LONP1: variants seen among roughly 807,000 people sequenced by gnomAD.
LONP1 encodes lon peptidase 1, mitochondrial.
A neutral mutation model predicts 98.5 loss-of-function variants in LONP1; 31 were observed. That is an observed-to-expected ratio of 0.31 (90% CI 0.24 to 0.42). The LOEUF (loss-of-function observed/expected upper bound fraction) is 0.42. Among genes scored for constraint, LONP1 ranks in the 20% least tolerant of loss-of-function variants. The probability of loss-of-function intolerance (pLI) is 1.00; values close to 1 mark genes in which losing one functional copy is unlikely to be tolerated. For missense variants in LONP1, 1,336 were observed against 1,350.6 expected (o/e 0.99, Z 0.17); for synonymous variants, 781 against 594.7 (o/e 1.31, Z -4.56).
At chr19:5,719,289 C>G (rs546575379) in intron 1 of LONP1, among the ~76,000 whole-genome samples, 1 of 152,302 alleles carries the variant, frequency 6.6e-6, no homozygotes, top group African/African-American at 2.4e-5. Context: ...AAGTATTTGT[C>G]TAAGAAAGGA....
At chr19:5,695,464 C>T (rs2054909062) in intron 13 of LONP1, among the ~76,000 whole-genome samples, 1 of 152,162 alleles carries the variant, frequency 6.6e-6, no homozygotes, top group Non-Finnish European at 1.5e-5. Flanking sequence ...AACTACAGGC[C>T]CGTCCCTTGG....
chr19:5,716,871 G>C (rs1465646696), intron 1 of LONP1, among the ~76,000 whole-genome samples: 2 of 152,310 alleles, frequency 1.3e-5, no homozygotes, highest in Non-Finnish European at 2.9e-5. Flanking sequence ...TCAGCTCACT[G>C]CAAGCTCCGC....
chr19:5,692,295 G>A, intron 17 of LONP1, 87 bp from the exon 18 acceptor site: 1 of 1,340,038 alleles, frequency 7.5e-7, no homozygotes, highest in East Asian at 2.3e-5. Context: ...GGCTTCCTGG[G>A]GACCGGCGAT....
At chr19:5,698,835 G>A (rs1320272138) in intron 10 of LONP1, among the ~76,000 whole-genome samples, 192 bp downstream of exon 10, 1 of 152,248 alleles carries the variant, frequency 6.6e-6, no homozygotes, top group Admixed American at 6.5e-5. Context: ...TGCCAGCGCT[G>A]TTTGAGCACC....
chr19:5,696,566 A>C (rs565954040), intron 11 of LONP1, 104 bp downstream of exon 11: 43 of 1,319,444 alleles, frequency 3.3e-5, no homozygotes, highest in Non-Finnish European at 4.3e-5. Flanking sequence ...CATCACGGCG[A>C]TGGCCCCTGA....
intron 1 of LONP1, among the ~76,000 whole-genome samples, chr19:5,719,325 G>A (rs2055384265): frequency 1.3e-5 from 2 of 152,186 alleles, no homozygotes; most frequent in Admixed American, 1.3e-4. Flanking sequence ...AGTGAGGCTC[G>A]TAACCAGACG....
chr19:5,694,454 G>T lies in LONP1; in HGVS notation c.2253C>A (p.Phe751Leu). The T allele has an allele frequency of 6.2e-7, 1 of 1,613,432 alleles. No individual in the cohort carries two copies. The highest frequency in any genetic ancestry group is 8.5e-7 in the Non-Finnish European group (1 of 1,179,994). ...TCACGTCATACATGCGCTCCACGGT[G>T]AACACGGGCTTCCCCACGAAGTCCT... ...NLQDFVGKPV[F>L]TVERMYDVTP... Residue 751 changes from phenylalanine (F) to leucine (L), a missense_variant, in exon 15 of 18, where the codon TTC (phenylalanine) becomes TTA (leucine). Physicochemically the swap from Phe to Leu is conservative, Grantham distance 22. Around this residue, in one of 5 missense-constraint regions of LONP1, gnomAD observed 555 missense variants for 542.6 expected, o/e 1.02. Transcript: ENST00000360614.
At chr19:5,695,045 C>T in intron 13 of LONP1, 144 bp from the exon 14 acceptor site, 1 of 941,096 alleles carries the variant, frequency 1.1e-6, no homozygotes, top group South Asian at 1.9e-5. Flanking sequence ...GGCCTGGACA[C>T]CCCGCCCTGC....
intron 4 of LONP1, among the ~76,000 whole-genome samples, chr19:5,710,168 C>G (rs1438532751): frequency 6.6e-6 from 1 of 150,990 alleles, no homozygotes; most frequent in Non-Finnish European, 1.5e-5. Context: ...ACCGCAACCT[C>G]TGCCTCCCAG....
intron 15 of LONP1, 131 bp from the exon 16 acceptor site, chr19:5,693,900 G>T: frequency 1.3e-6 from 1 of 762,952 alleles, no homozygotes; most frequent in Non-Finnish European, 2.1e-6. Context: ...AGGGGTTGGT[G>T]TCCCATCGTG....
At chr19:5,697,811 C>T (rs1208499382) in intron 10 of LONP1, among the ~76,000 whole-genome samples, 1 of 152,024 alleles carries the variant, frequency 6.6e-6, no homozygotes, top group Non-Finnish European at 1.5e-5. Flanking sequence ...TCCCCGCAGC[C>T]CCGCTACCTG....
In LONP1 at chr19:5,696,441, A is replaced by G. The variant is rs45534135; in HGVS notation, c.1774-70T>C. 37,356 of 1,562,830 alleles carry G rather than the reference A, an allele frequency of 0.024. 550 individuals are homozygous for G. The highest frequency in any genetic ancestry group is 0.027 in the East Asian group (1,204 of 44,522). On this transcript the variant is annotated intron_variant, in intron 11 of 17. Coordinates refer to ENST00000360614, the MANE Select transcript of LONP1 (RefSeq NM_004793.4). Reference sequence around the variant, plus strand: ...CCAGCCCGCCCAGTGGGGAGACCCCAGGGTCAGGGCTGGGGAGACCCCGAG... The same window carrying G: ...CCAGCCCGCCCAGTGGGGAGACCCCGGGGTCAGGGCTGGGGAGACCCCGAG...
Position 5,706,061 on chromosome 19 carries a change from G to A in LONP1, c.1147-69C>T, listed in dbSNP as rs183278360. 7.4e-5 allele frequency: 75 copies of A among 1,007,168 alleles called. No homozygotes were observed. The African/African-American group carries it at 7.9e-4, about 11-fold the overall frequency. 62.4% of individuals were successfully genotyped at this position (1,007,168 alleles called of 1,614,324 possible). ...TGGGTGGGTGGGTGCGTCCCCAGAC[G>A]AAGGGGGACCCTCTGCTCCCCCAGG... On this transcript the variant is annotated intron_variant, in intron 7 of 17. Transcript: ENST00000360614.
chr19:5,697,325 G>A (rs988139335), intron 10 of LONP1, among the ~76,000 whole-genome samples: 1 of 151,914 alleles, frequency 6.6e-6, no homozygotes, highest in Non-Finnish European at 1.5e-5. Flanking sequence ...TAAGTGTGCA[G>A]GGGGGTAAGG....
upstream of LONP1, chr19:5,720,201 CGGCGCGTGCCTCGGTACCCGATG>C (rs1375107258): frequency 1.0e-5 from 14 of 1,383,638 alleles, no homozygotes; most frequent in African/African-American, 1.5e-4. Flanking sequence ...ACGTGACGCC[CGGCGCGTGCCTCGGTACCCGATG>C]GGCGCGTGGC....
chr19:5,697,107 G>C (rs2054946313), intron 10 of LONP1, among the ~76,000 whole-genome samples: 1 of 152,158 alleles, frequency 6.6e-6, no homozygotes, highest in African/African-American at 2.4e-5. Flanking sequence ...CAAGGGCTGG[G>C]GTGATACTAG....
At chr19:5,708,627 A>C in intron 4 of LONP1, 9 of 518,354 alleles carry the variant, frequency 1.7e-5, no homozygotes, top group Admixed American at 3.2e-5. Context: ...CTAAAACCAA[A>C]CCCTGTCTCC....
intron 3 of LONP1, chr19:5,712,477 C>A (rs1266723066): frequency 1.1e-5 from 2 of 180,340 alleles, no homozygotes; most frequent in African/African-American, 2.4e-5. Flanking sequence ...ACCTCTCACG[C>A]TGTCTGCGTC....
intron 13 of LONP1, among the ~76,000 whole-genome samples, chr19:5,695,175 C>G (rs549891282): frequency 6.6e-6 from 1 of 152,080 alleles, no homozygotes; most frequent in Non-Finnish European, 1.5e-5. Context: ...TCCTGGTTGC[C>G]CCATGGGCTG....
Sources: gnomAD v4.1 joint callset for allele counts (sites outside exome capture counted in the v4.1 genomes callset) on GRCh38, gnomAD v4.1.1 for gene constraint, gnomAD v4.1.1 regional missense constraint, MANE v1.5 for transcripts, NCBI Gene and HGNC (gene_info 2026-07-23, HGNC 2026-07-21) for gene names.